DKK4: variants seen among roughly 807,000 people sequenced by gnomAD.
DKK4 encodes dickkopf-related protein 4.
Under a neutral mutation model 14.5 loss-of-function variants are expected in DKK4, and 15 were observed. The observed-to-expected ratio is 1.03, with a 90% CI of 0.69 to 1.59. The LOEUF (loss-of-function observed/expected upper bound fraction) is 1.59, where lower values mean the gene tolerates loss of function less well. Ranked by LOEUF, DKK4 falls within the 40% of genes most tolerant of loss-of-function variation. The probability of loss-of-function intolerance (pLI) is 0.00; values close to 1 mark genes in which losing one functional copy is unlikely to be tolerated. For synonymous variants in DKK4, 89 were observed against 105.2 expected, an observed-to-expected ratio of 0.85 and a Z score of 0.94; for missense variants, 272 against 280.3, an observed-to-expected ratio of 0.97 and a Z score of 0.21.
chr8:42,387,732 A>G, the DKK4 span, among the ~76,000 whole-genome samples: 1 of 152,196 alleles, frequency 6.6e-6, no homozygotes, highest in Non-Finnish European at 1.5e-5. Flanking sequence ...CTAGAGGGAC[A>G]GGAAGCAAAG....
chr8:42,379,052 ACCAGCCTGG>A (rs1293840495), upstream of DKK4, among the ~76,000 whole-genome samples: 1 of 150,962 alleles, frequency 6.6e-6, no homozygotes, highest in African/African-American at 2.4e-5. Flanking sequence ...GGAGTTCGAG[ACCAGCCTGG>A]CCAATATGGT....
chr8:42,387,654 T>C, the DKK4 span, among the ~76,000 whole-genome samples: 32,664 of 151,936 alleles, frequency 0.21, 7,126 homozygotes, highest in African/African-American at 0.56. Flanking sequence ...GCCACTGCGC[T>C]CAGCCAATGA....
At chr8:42,386,297 TACACACAC>T in the DKK4 span, among the ~76,000 whole-genome samples, 2 of 150,336 alleles carry the variant, frequency 1.3e-5, no homozygotes, top group Non-Finnish European at 3.0e-5. Flanking sequence ...AAAATTACAA[TACACACAC>T]ACACACACAC....
chr8:42,374,292 A>G lies in DKK4; in HGVS notation c.483T>C (p.Phe161=). Residue 161 remains phenylalanine (F), a synonymous_variant, in exon 4 of 4, where the codon TTT becomes TTC. Coordinates refer to ENST00000220812, the MANE Select transcript of DKK4 (RefSeq NM_014420.3). ...CGPGLCCARH[F]WTKICKPVLL... is the part of the protein sequence containing the mutation. ...GGACTGGCTTACAAATTTTCGTCCA[A>G]AAATGACGAGCACAGCAAAGTCCAG... 1.2e-6 allele frequency: 2 copies of G among 1,611,964 alleles called. No individual in the cohort carries two copies. The highest frequency in any genetic ancestry group is 1.7e-6 in the Non-Finnish European group (2 of 1,178,912).
At chr8:42,374,659 T>C in intron 3 of DKK4, 102 bp downstream of exon 3, 6 of 1,498,384 alleles carry the variant, frequency 4.0e-6, no homozygotes, top group Non-Finnish European at 4.6e-6. Context: ...CCTAAGTGTT[T>C]CTGGGATGGA....
intron 1 of DKK4, 103 bp from the exon 2 acceptor site, chr8:42,375,933 G>A (rs577161134): frequency 8.1e-5 from 115 of 1,417,154 alleles, no homozygotes; most frequent in Non-Finnish European, 4.7e-5. Flanking sequence ...GGACAGTGGC[G>A]CTGTGACAAA....
At chr8:42,378,767 A>G (rs1824608691), upstream of DKK4, among the ~76,000 whole-genome samples, 1 of 151,988 alleles carries the variant, frequency 6.6e-6, no homozygotes. Flanking sequence ...CACTTAGAGC[A>G]CTTGGCATGG....
upstream of DKK4, among the ~76,000 whole-genome samples, chr8:42,379,418 GAGAGA>G (rs1563415780): frequency 7.6e-4 from 95 of 125,294 alleles, no homozygotes; most frequent in African/African-American, 2.8e-3. Context: ...GAGAGAGAGA[GAGAGA>G]GAGAAAGATT....
chr8:42,377,302 C>A (rs977392612), upstream of DKK4: 2 of 464,464 alleles, frequency 4.3e-6, no homozygotes, highest in Non-Finnish European at 7.7e-6. Context: ...TCCTCCTGCC[C>A]CACACAGGCT....
upstream of DKK4, among the ~76,000 whole-genome samples, chr8:42,380,743 GGAAA>G (rs1459227778): frequency 7.2e-6 from 1 of 139,384 alleles, no homozygotes; most frequent in African/African-American, 2.7e-5. Context: ...AGGAGAGAGT[GGAAA>G]GAGAGAGAGA....
chr8:42,377,403 C>T (rs1824585838), upstream of DKK4, among the ~76,000 whole-genome samples: 1 of 152,154 alleles, frequency 6.6e-6, no homozygotes, highest in Non-Finnish European at 1.5e-5. Context: ...GGCTTCTCCT[C>T]CAGGGGTTCA....
chr8:42,388,537 CTTTCT>C, the DKK4 span, among the ~76,000 whole-genome samples: 12,367 of 151,390 alleles, frequency 0.082, 1,598 homozygotes, highest in African/African-American at 0.28. Context: ...GTCTAAACTC[CTTTCT>C]TTTCTTTTCT....
chr8:42,381,313 G>C (rs1824675364), upstream of DKK4, among the ~76,000 whole-genome samples: 1 of 152,166 alleles, frequency 6.6e-6, no homozygotes, highest in Non-Finnish European at 1.5e-5. Context: ...GGGGGAGCAG[G>C]ATAAGAGGGT....
chr8:42,379,809 G>A (rs1295198701), upstream of DKK4, among the ~76,000 whole-genome samples: 1 of 152,070 alleles, frequency 6.6e-6, no homozygotes, highest in African/African-American at 2.4e-5. Flanking sequence ...GGCAGATGAT[G>A]GAAGGATGAG....
the DKK4 span, among the ~76,000 whole-genome samples, chr8:42,384,817 A>G: frequency 6.6e-6 from 1 of 152,232 alleles, no homozygotes; most frequent in Non-Finnish European, 1.5e-5. Context: ...TGCCTGCTAC[A>G]CATGTCACTA....
the DKK4 span, among the ~76,000 whole-genome samples, chr8:42,387,780 T>C: frequency 6.6e-6 from 1 of 152,182 alleles, no homozygotes; most frequent in African/African-American, 2.4e-5. Context: ...TCCTCCACGG[T>C]TTTCTCATCA....
upstream of DKK4, among the ~76,000 whole-genome samples, chr8:42,380,930 A>G (rs1163347894): frequency 1.3e-5 from 2 of 152,104 alleles, no homozygotes; most frequent in East Asian, 3.9e-4. Flanking sequence ...AAAAAGAAAG[A>G]AGGAAAGAAC....
At chr8:42,380,199 G>A (rs188236366), upstream of DKK4, among the ~76,000 whole-genome samples, 388 of 152,164 alleles carry the variant, frequency 2.5e-3, 1 homozygote, top group Middle Eastern at 0.01. Flanking sequence ...CTGGTGTGGT[G>A]GCACGTGTCT....
chr8:42,386,307 C>T, the DKK4 span, among the ~76,000 whole-genome samples: 1 of 152,218 alleles, frequency 6.6e-6, no homozygotes, highest in African/African-American at 2.4e-5. Context: ...TACACACACA[C>T]ACACACACAA....
Sources: gnomAD v4.1 joint callset for allele counts (sites outside exome capture counted in the v4.1 genomes callset) on GRCh38, gnomAD v4.1.1 for gene constraint, MANE v1.5 for transcripts, NCBI Gene and HGNC (gene_info 2026-07-23, HGNC 2026-07-21) for gene names.